The following MIA2 variants were observed in gnomAD, a reference collection of about 807,000 sequenced individuals.
The protein encoded by MIA2 is melanoma inhibitory activity protein 2.
In MIA2, 127 loss-of-function variants were observed where a neutral mutation model predicts 167.8. That is an observed-to-expected ratio of 0.76 (90% CI 0.66 to 0.88). The LOEUF is 0.88. Ranked by LOEUF, MIA2 falls within the 40% of genes least tolerant of loss-of-function variation. The pLI is 0.00. For synonymous variants in MIA2, 552 were observed against 541.9 expected, an observed-to-expected ratio of 1.02 and a Z score of -0.26; for missense variants, 1,690 against 1,624.7, an observed-to-expected ratio of 1.04 and a Z score of -0.69.
chr14:39,269,800 C>T (rs539345231), intron 6 of MIA2, among the ~76,000 whole-genome samples: 1 of 152,090 alleles, frequency 6.6e-6, no homozygotes, highest in Admixed American at 6.5e-5. Context: ...GGATTACAGG[C>T]GTGAGCCACT....
At chr14:39,274,411 GTTTCTTTT>G (rs1276843372) in intron 6 of MIA2, among the ~76,000 whole-genome samples, 26 of 150,662 alleles carry the variant, frequency 1.7e-4, no homozygotes, top group Admixed American at 5.3e-4. Flanking sequence ...TTAGAACTCA[GTTTCTTTT>G]TTTCTTTTTT....
chr14:39,386,100 G>C, intron 23 of MIA2: 1 of 1,279,300 alleles, frequency 7.8e-7, no homozygotes, highest in Non-Finnish European at 1.1e-6. Flanking sequence ...ACTCCAGGGT[G>C]CTTGATGACA....
intron 24 of MIA2, among the ~76,000 whole-genome samples, chr14:39,323,329 C>A (rs944898729): frequency 2.0e-5 from 3 of 152,054 alleles, no homozygotes; most frequent in Admixed American, 6.6e-5. Context: ...GGGAAAGGGA[C>A]TGCCCTATAG....
chr14:39,386,997 C>G, exon 24 of MIA2: 1 of 754,650 alleles, frequency 1.3e-6, no homozygotes, highest in Non-Finnish European at 2.3e-6. Flanking sequence ...TGTGACGACT[C>G]GTATCTGTTC....
chr14:39,248,516 T>A (rs1384853310), intron 4 of MIA2, among the ~76,000 whole-genome samples: 1 of 152,066 alleles, frequency 6.6e-6, no homozygotes, highest in Non-Finnish European at 1.5e-5. Flanking sequence ...CCAGAGACAG[T>A]AATTTTCTTT....
intron 2 of MIA2, among the ~76,000 whole-genome samples, chr14:39,238,331 C>A (rs2053861893): frequency 1.3e-5 from 2 of 151,842 alleles, no homozygotes; most frequent in Admixed American, 6.6e-5. Context: ...TGCCACCACA[C>A]CTGGCTAATT....
At position 39,299,885 on chromosome 14, in the gene MIA2, T is replaced by C. The variant is rs2062115621; in HGVS notation, c.2518T>C (p.Trp840Arg). ...TCAGCTTTTGCAAGAAGCTGAAGTA[T>C]GGAAAGAACAAGTGAGTGAACTTAA... ...QKQLLQEAEV[W>R]KEQVSELNKQ... Residue 840 changes from tryptophan to arginine, a missense_variant, in exon 14 of 29, where the codon TGG becomes CGG. Physicochemically the swap from Trp to Arg is moderately radical, Grantham distance 101 (BLOSUM62 -3). Coordinates refer to ENST00000640607, the MANE Select transcript of MIA2 (RefSeq NM_001329214.4). 1.9e-6 allele frequency: 3 copies of C among 1,606,106 alleles called. No homozygotes were observed. Among genetic ancestry groups the C allele is most frequent in the African/African-American group, 2.7e-5 (2 of 74,412 alleles).
At chr14:39,377,154 A>G (rs2139345726) in intron 23 of MIA2, among the ~76,000 whole-genome samples, 1 of 152,016 alleles carries the variant, frequency 6.6e-6, no homozygotes, top group Admixed American at 6.5e-5. Context: ...TCCTAGACGA[A>G]TAGGTCTCAT....
chr14:39,285,438 C>T (rs1332789061), intron 9 of MIA2, among the ~76,000 whole-genome samples: 1 of 142,606 alleles, frequency 7.0e-6, no homozygotes, highest in Non-Finnish European at 1.6e-5. Flanking sequence ...ACCCCCCCAC[C>T]TTCCTCCCGG....
At chr14:39,267,544 G>C (rs376664088) in intron 6 of MIA2, 1 of 1,612,062 alleles carries the variant, frequency 6.2e-7, no homozygotes, top group African/African-American at 1.3e-5. Context: ...CGCGATGAGT[G>C]TTACGTGGCC....
intron 23 of MIA2, among the ~76,000 whole-genome samples, chr14:39,364,627 A>T (rs1169158756): frequency 2.0e-5 from 3 of 151,834 alleles, no homozygotes; most frequent in Non-Finnish European, 4.4e-5. Context: ...GAATTTTCTC[A>T]GTTTTTGCTT....
chr14:39,360,008 T>G (rs1411461232), intron 23 of MIA2, among the ~76,000 whole-genome samples: 1 of 151,370 alleles, frequency 6.6e-6, no homozygotes, highest in Non-Finnish European at 1.5e-5. Flanking sequence ...TTTTTTTTTT[T>G]TTTGTCTTAT....
At chr14:39,328,214 G>A (rs1186070180) in intron 25 of MIA2, among the ~76,000 whole-genome samples, 1 of 152,176 alleles carries the variant, frequency 6.6e-6, no homozygotes, top group Non-Finnish European at 1.5e-5. Context: ...TTTCTCTAAT[G>A]ACCAGTGATG....
intron 23 of MIA2, among the ~76,000 whole-genome samples, chr14:39,364,547 G>A (rs2074774543): frequency 6.6e-6 from 1 of 151,464 alleles, no homozygotes; most frequent in Admixed American, 6.6e-5. Flanking sequence ...CATGGTGATA[G>A]GTTTTGTCCT....
chr14:39,350,346 C>T lies in MIA2; in HGVS notation c.*82C>T, dbSNP rs911950910. 1 of 592,932 alleles carries T rather than the reference C, an allele frequency of 1.7e-6. No homozygotes were observed. 36.7% of individuals were successfully genotyped at this position (592,932 alleles called of 1,614,324 possible). ...AACTGCTGTTACTTAAGTGATTACA[C>T]TTTTGCTCAAATTGAAGCTTAATGG... is the stretch of plus-strand genomic sequence containing the variant. On this transcript the variant is annotated 3_prime_UTR_variant, in exon 29 of 29. Transcript: ENST00000640607.
chr14:39,247,785 A>C lies in MIA2; in HGVS notation c.1211A>C (p.Glu404Ala). 6.2e-7 allele frequency: 1 copy of C among 1,613,630 alleles called. No homozygotes were observed. The highest frequency in any genetic ancestry group is 8.5e-7 in the Non-Finnish European group (1 of 1,179,928). Residue 404 changes from glutamate to alanine, a missense_variant, in exon 4 of 29, where the codon GAA becomes GCA. Coordinates refer to ENST00000640607, the MANE Select transcript of MIA2 (RefSeq NM_001329214.4). ...ATGTTAGATGACAGGAAAAATGAAG[A>C]AGATGGTGGGGCAGATGAACATGAA... ...KIMLDDRKNE[E>A]DGGADEHEHP...
At chr14:39,266,624 A>T (rs1200458846) in intron 6 of MIA2, 1 of 985,392 alleles carries the variant, frequency 1.0e-6, no homozygotes. Flanking sequence ...TCTAAAGTCC[A>T]AAGTCCGGAC....
chr14:39,259,475 T>G (rs1038745690), intron 6 of MIA2, among the ~76,000 whole-genome samples: 8 of 152,198 alleles, frequency 5.3e-5, no homozygotes, highest in African/African-American at 9.6e-5. Flanking sequence ...ATTTAATGGA[T>G]GTCTTTTGAA....
At chr14:39,280,649 C>T (rs1184896155) in intron 9 of MIA2, among the ~76,000 whole-genome samples, 5 of 152,052 alleles carry the variant, frequency 3.3e-5, no homozygotes, top group East Asian at 3.9e-4. Flanking sequence ...AGGAGAATGG[C>T]GTGAACCAGG....
Sources: allele counts gnomAD v4.1 joint callset (sites outside exome capture counted in the v4.1 genomes callset), GRCh38; gene constraint gnomAD v4.1.1; transcripts MANE v1.5; gene names NCBI Gene and HGNC (gene_info 2026-07-23, HGNC 2026-07-21).